The following GRXCR1 variants were observed in gnomAD, a reference collection of about 807,000 sequenced individuals.
The protein encoded by GRXCR1 is glutaredoxin domain-containing cysteine-rich protein 1.
Under a neutral mutation model 27.3 loss-of-function variants are expected in GRXCR1, and 27 were observed. The ratio of observed to expected loss-of-function variants is 0.99; its 90% CI spans 0.73 to 1.37. The LOEUF (loss-of-function observed/expected upper bound fraction) is 1.37, where lower values mean the gene tolerates loss of function less well. GRXCR1 is among the 40% of genes most tolerant of loss of function. The pLI is 0.00. For missense variants in GRXCR1, 379 were observed against 354.4 expected, an observed-to-expected ratio of 1.07 and a Z score of -0.56; for synonymous variants, 122 against 131.1, an observed-to-expected ratio of 0.93 and a Z score of 0.47.
intron 1 of GRXCR1, among the ~76,000 whole-genome samples, chr4:42,905,010 G>A (rs1746554243): frequency 6.6e-6 from 1 of 152,232 alleles, no homozygotes; most frequent in East Asian, 1.9e-4. Context: ...AGGCATCTTG[G>A]TACCACAAGA....
At chr4:42,941,337 T>C (rs1461847568) in intron 1 of GRXCR1, among the ~76,000 whole-genome samples, 1 of 152,056 alleles carries the variant, frequency 6.6e-6, no homozygotes, top group Non-Finnish European at 1.5e-5. Context: ...AAAAACTCTC[T>C]AGGTCAGGAA....
chr4:42,980,629 G>A (rs752416457), intron 2 of GRXCR1, among the ~76,000 whole-genome samples: 1 of 151,918 alleles, frequency 6.6e-6, no homozygotes, highest in Non-Finnish European at 1.5e-5. Context: ...TTAATGTTCT[G>A]TATGTGCCTG....
At chr4:42,905,689 C>A (rs1746572599) in intron 1 of GRXCR1, among the ~76,000 whole-genome samples, 1 of 152,052 alleles carries the variant, frequency 6.6e-6, no homozygotes. Context: ...GGGAGTGTGG[C>A]AAAAGAAAAC....
At chr4:42,923,087 A>G (rs1199579041) in intron 1 of GRXCR1, among the ~76,000 whole-genome samples, 1 of 152,066 alleles carries the variant, frequency 6.6e-6, no homozygotes, top group East Asian at 1.9e-4. Context: ...CTCAATCTTG[A>G]TGAATGATTC....
intron 2 of GRXCR1, among the ~76,000 whole-genome samples, chr4:42,985,551 C>T (rs990041963): frequency 6.6e-5 from 10 of 152,056 alleles, no homozygotes; most frequent in South Asian, 2.1e-4. Context: ...TGATAATAAA[C>T]GCTCTATTTC....
chr4:43,016,995 C>T (rs952732804), intron 2 of GRXCR1, among the ~76,000 whole-genome samples: 5 of 152,158 alleles, frequency 3.3e-5, no homozygotes, highest in Non-Finnish European at 7.3e-5. Flanking sequence ...CAGCTCACTG[C>T]TCTGAATTTT....
At chr4:42,969,038 C>T (rs1748317893) in intron 2 of GRXCR1, among the ~76,000 whole-genome samples, 1 of 152,012 alleles carries the variant, frequency 6.6e-6, no homozygotes, top group Non-Finnish European at 1.5e-5. Flanking sequence ...TTCATGTAGT[C>T]AATGATTCCC....
intron 2 of GRXCR1, among the ~76,000 whole-genome samples, chr4:42,992,605 C>G (rs865785999): frequency 1.3e-5 from 2 of 152,054 alleles, no homozygotes; most frequent in South Asian, 2.1e-4. Flanking sequence ...ATTTCATATA[C>G]TTAGAGTAGG....
chr4:43,015,078 A>G (rs1712890429), intron 2 of GRXCR1, among the ~76,000 whole-genome samples: 1 of 152,206 alleles, frequency 6.6e-6, no homozygotes, highest in African/African-American at 2.4e-5. Context: ...GATAGAAGAA[A>G]TATCAGGAAA....
At chr4:43,022,905 G>A (rs1361967199) in intron 3 of GRXCR1, among the ~76,000 whole-genome samples, 2 of 152,196 alleles carry the variant, frequency 1.3e-5, no homozygotes, top group African/African-American at 2.4e-5. Flanking sequence ...TCACAACTCT[G>A]CTAAATGAGT....
At chr4:42,989,309 C>G (rs780633343) in intron 2 of GRXCR1, among the ~76,000 whole-genome samples, 6 of 152,096 alleles carry the variant, frequency 3.9e-5, no homozygotes, top group Non-Finnish European at 7.4e-5. Flanking sequence ...GGCCTTTTCT[C>G]TCTTCCTATT....
At chr4:43,030,329 G>A (rs1203709592) in intron 3 of GRXCR1, 32 bp from the exon 4 acceptor site, 1 of 1,606,124 alleles carries the variant, frequency 6.2e-7, no homozygotes, top group African/African-American at 1.3e-5. Context: ...CACATCCTCT[G>A]TTTTCTCTTG....
chr4:42,895,381 C>A (rs1746325502), intron 1 of GRXCR1, among the ~76,000 whole-genome samples: 1 of 152,130 alleles, frequency 6.6e-6, no homozygotes, highest in Admixed American at 6.6e-5. Context: ...GTCTCTGGTA[C>A]TTAATCAGAT....
intron 3 of GRXCR1, among the ~76,000 whole-genome samples, chr4:43,029,918 C>G (rs955485401): frequency 7.2e-5 from 11 of 152,182 alleles, no homozygotes; most frequent in Non-Finnish European, 1.3e-4. Context: ...CTGCACACTT[C>G]AGCTGTTAGC....
chr4:42,913,901 C>T (rs1393024505), intron 1 of GRXCR1, among the ~76,000 whole-genome samples: 1 of 152,178 alleles, frequency 6.6e-6, no homozygotes, highest in Admixed American at 6.5e-5. Context: ...CACATCATTG[C>T]TTCAGAGGAT....
At chr4:42,944,305 G>A (rs1047613469) in intron 1 of GRXCR1, among the ~76,000 whole-genome samples, 1 of 151,956 alleles carries the variant, frequency 6.6e-6, no homozygotes, top group African/African-American at 2.4e-5. Flanking sequence ...AATGTGCTAT[G>A]TCTGTTAGAC....
intron 2 of GRXCR1, among the ~76,000 whole-genome samples, chr4:42,987,241 A>ATTATATATATAT (rs1276367661): frequency 1.4e-4 from 9 of 66,466 alleles, no homozygotes; most frequent in East Asian, 1.2e-3. Flanking sequence ...ATATATATAT[A>ATTATATATATAT]ATATATAATA....
intron 1 of GRXCR1, among the ~76,000 whole-genome samples, chr4:42,954,593 T>G (rs1475950186): frequency 1.3e-5 from 2 of 152,134 alleles, no homozygotes; most frequent in African/African-American, 4.8e-5. Flanking sequence ...AAAGTGCATA[T>G]GTAGAGTTCC....
chr4:42,923,417 A>G (rs1747068370), intron 1 of GRXCR1, among the ~76,000 whole-genome samples: 1 of 152,116 alleles, frequency 6.6e-6, no homozygotes, highest in Non-Finnish European at 1.5e-5. Flanking sequence ...ATCTCTCTAT[A>G]TCCTAATATG....
Sources: gnomAD v4.1 joint callset for allele counts (sites outside exome capture counted in the v4.1 genomes callset) on GRCh38, gnomAD v4.1.1 for gene constraint, MANE v1.5 for transcripts, NCBI Gene and HGNC (gene_info 2026-07-23, HGNC 2026-07-21) for gene names.